PITPNC1: variants seen among roughly 807,000 people sequenced by gnomAD.
The protein encoded by PITPNC1 is phosphatidylinositol transfer protein cytoplasmic 1, also known as cytoplasmic phosphatidylinositol transfer protein 1.
Under a neutral mutation model 44.7 loss-of-function variants are expected in PITPNC1, and 18 were observed. The ratio of observed to expected loss-of-function variants is 0.40; its 90% confidence interval spans 0.28 to 0.60. The LOEUF (loss-of-function observed/expected upper bound fraction) is 0.60. PITPNC1 is among the 20% of genes least tolerant of loss of function. PITPNC1 has a pLI of 0.39. For synonymous variants in PITPNC1, 141 were observed against 149.6 expected, an observed-to-expected ratio of 0.94 and a Z score of 0.42; for missense variants, 290 against 418.4, an observed-to-expected ratio of 0.69 and a Z score of 2.68.
Position 67,628,734 on chromosome 17 carries a change from C to T in PITPNC1, c.367-3409C>T, listed in dbSNP as rs114148711. Among the ~76,000 whole-genome samples the T allele has an allele frequency of 6.4e-3, 968 of 152,218 alleles. 6 individuals carry two copies. Among genetic ancestry groups the T allele is most frequent in the African/African-American group, 0.022 (911 of 41,504 alleles). ...CGCTGCCAGTGCAAGGCCTGCAGCACGCAGTGCCTGCAGCAGGAGGGCCAC... is the reference window on the plus strand; with the variant it reads ...CGCTGCCAGTGCAAGGCCTGCAGCATGCAGTGCCTGCAGCAGGAGGGCCAC... On this transcript the variant is annotated intron_variant, in intron 5 of 8. Transcript: ENST00000581322.
chr17:67,443,823 C>T (rs575419224), intron 1 of PITPNC1, among the ~76,000 whole-genome samples: 3 of 151,664 alleles, frequency 2.0e-5, no homozygotes, highest in East Asian at 1.9e-4. Context: ...CTAGTAGAGA[C>T]GGGGTTTTGC....
At chr17:67,536,947 C>T (rs578239286) in intron 2 of PITPNC1, among the ~76,000 whole-genome samples, 2 of 152,292 alleles carry the variant, frequency 1.3e-5, no homozygotes, top group Non-Finnish European at 2.9e-5. Flanking sequence ...CTAATAGTGC[C>T]TACCAAGTGA....
rs1158729160 is a variant in PITPNC1 at position 67,695,228 on chromosome 17, T to C, written c.*2340T>C. On this transcript the variant is annotated 3_prime_UTR_variant, in exon 9 of 9. Coordinates refer to ENST00000581322, the MANE Select transcript of PITPNC1 (RefSeq NM_012417.4). Reference sequence around the variant, plus strand: ...AGTATGTTCAGTTTTTCTGTCTACATATGCTTTGTGTGAGTTAAAAAGGGG... The same window carrying C: ...AGTATGTTCAGTTTTTCTGTCTACACATGCTTTGTGTGAGTTAAAAAGGGG... 6.6e-6 allele frequency: 1 copy of C among 152,218 alleles called. No individual in the cohort carries two copies. Among genetic ancestry groups the C allele is most frequent in the East Asian group, 1.9e-4 (1 of 5,200 alleles). The allele number at this position is 152,218 out of a possible 1,614,324, so 9.4% of individuals were successfully genotyped here. A position where few individuals can be genotyped will look rare whatever the true frequency, so the allele number is the denominator to read the frequency against.
chr17:67,576,115 G>A (rs2041146479), intron 4 of PITPNC1, among the ~76,000 whole-genome samples: 1 of 151,982 alleles, frequency 6.6e-6, no homozygotes, highest in Admixed American at 6.6e-5. Flanking sequence ...GACCTCAGGT[G>A]ATATGCCTGC....
chr17:67,395,393 C>G (rs940589718), intron 1 of PITPNC1, among the ~76,000 whole-genome samples: 2 of 152,118 alleles, frequency 1.3e-5, no homozygotes, highest in African/African-American at 2.4e-5. Context: ...AAGCAATCCT[C>G]CTGTCTTGGC....
chr17:67,688,605 G>A (rs934641471), intron 8 of PITPNC1, among the ~76,000 whole-genome samples: 4 of 152,076 alleles, frequency 2.6e-5, no homozygotes, highest in African/African-American at 7.2e-5. Flanking sequence ...AGCAAGAGGC[G>A]TTTCCTCTCT....
chr17:67,425,699 A>AT (rs34430449), intron 1 of PITPNC1, among the ~76,000 whole-genome samples: 71,687 of 149,646 alleles, frequency 0.48, 17,778 homozygotes, highest in Middle Eastern at 0.66. Context: ...TTAAAAAAAA[A>AT]TTTTTTTTTT....
intron 1 of PITPNC1, among the ~76,000 whole-genome samples, chr17:67,476,617 T>C (rs2039634436): frequency 6.6e-6 from 1 of 152,198 alleles, no homozygotes; most frequent in Non-Finnish European, 1.5e-5. Context: ...AGTGGTTGGC[T>C]TCACTCTCAG....
chr17:67,454,423 T>G (rs1157098145), intron 1 of PITPNC1, among the ~76,000 whole-genome samples: 1 of 152,106 alleles, frequency 6.6e-6, no homozygotes, highest in Non-Finnish European at 1.5e-5. Context: ...TTTCACAGAG[T>G]TGCTGTATAG....
chr17:67,556,597 G>A (rs1471631219), intron 4 of PITPNC1, among the ~76,000 whole-genome samples: 1 of 152,110 alleles, frequency 6.6e-6, no homozygotes, highest in African/African-American at 2.4e-5. Flanking sequence ...ATGTAATGTG[G>A]GAACCCATCC....
At chr17:67,587,990 G>A (rs954466710) in intron 5 of PITPNC1, among the ~76,000 whole-genome samples, 9 of 152,038 alleles carry the variant, frequency 5.9e-5, no homozygotes, top group Non-Finnish European at 5.9e-5. Context: ...AATAGCCATC[G>A]TGAAGTTTGT....
chr17:67,453,744 A>T (rs1027079910), intron 1 of PITPNC1, among the ~76,000 whole-genome samples: 1 of 152,358 alleles, frequency 6.6e-6, no homozygotes, highest in African/African-American at 2.4e-5. Context: ...GCTAATGAGA[A>T]GAATTGAATT....
At chr17:67,533,019 GGCA>G in intron 2 of PITPNC1, 69 bp downstream of exon 2, 3 of 1,244,278 alleles carry the variant, frequency 2.4e-6, no homozygotes, top group Non-Finnish European at 3.4e-6. Flanking sequence ...TGACAGTGGA[GGCA>G]GTGGGTGTCT....
At chr17:67,501,676 A>C (rs1218166836) in intron 1 of PITPNC1, among the ~76,000 whole-genome samples, 6 of 152,160 alleles carry the variant, frequency 3.9e-5, no homozygotes, top group Non-Finnish European at 8.8e-5. Flanking sequence ...TACTAAAAAT[A>C]CAAAAATGAG....
rs868644934 is a variant in PITPNC1 at position 67,591,947 on chromosome 17, G to C, written c.366+13690G>C. On this transcript the variant is annotated intron_variant, in intron 5 of 8. Coordinates refer to ENST00000581322, the MANE Select transcript of PITPNC1 (RefSeq NM_012417.4). The stretch of plus-strand genomic sequence containing the variant: ...ATGCTGGTCTTGAACTCCTGGGCTC[G>C]AATGATCCTCCCACCCCAGCCTCCC... 2.3e-4 allele frequency among the ~76,000 whole-genome samples: 35 copies of C among 150,484 alleles called. No individual in the cohort carries two copies. The Middle Eastern group carries it at 0.024, about 103-fold the overall frequency.
intron 5 of PITPNC1, among the ~76,000 whole-genome samples, chr17:67,607,661 T>A (rs185203320): frequency 2.3e-3 from 346 of 152,254 alleles, no homozygotes; most frequent in African/African-American, 8.1e-3. Context: ...TTTACATCAT[T>A]TCCCCCAACC....
At chr17:67,673,926 C>G (rs2042555376) in intron 7 of PITPNC1, among the ~76,000 whole-genome samples, 1 of 139,588 alleles carries the variant, frequency 7.2e-6, no homozygotes, top group Non-Finnish European at 1.5e-5. Flanking sequence ...GAGATGGCGC[C>G]ACTGCACTCC....
chr17:67,519,112 C>CA (rs1405310912), intron 1 of PITPNC1, among the ~76,000 whole-genome samples: 2 of 149,738 alleles, frequency 1.3e-5, no homozygotes, highest in African/African-American at 2.5e-5. Context: ...GGTCTGTACT[C>CA]AAAGTAATTA....
chr17:67,386,448 C>T (rs1448210959), intron 1 of PITPNC1, among the ~76,000 whole-genome samples: 1 of 152,210 alleles, frequency 6.6e-6, no homozygotes, highest in Non-Finnish European at 1.5e-5. Flanking sequence ...CCGCCTCGGC[C>T]TCTCAGAGTG....
Sources: gnomAD v4.1 joint callset for allele counts (sites outside exome capture counted in the v4.1 genomes callset) on GRCh38, gnomAD v4.1.1 for gene constraint, MANE v1.5 for transcripts, NCBI Gene and HGNC (gene_info 2026-07-23, HGNC 2026-07-21) for gene names.